The following LRRTM4 variants were observed in gnomAD, a reference collection of about 807,000 sequenced individuals.
LRRTM4 encodes the protein leucine rich repeat transmembrane neuronal 4.
A neutral mutation model predicts 47.6 loss-of-function variants in LRRTM4; 25 were observed. The observed-to-expected ratio is 0.53, with a 90% CI of 0.38 to 0.73. The LOEUF (loss-of-function observed/expected upper bound fraction) is 0.73, where lower values mean the gene tolerates loss of function less well. Ranked by LOEUF, LRRTM4 falls within the 30% of genes least tolerant of loss-of-function variation. The pLI, the probability that LRRTM4 is intolerant of heterozygous loss-of-function variation, is 0.00. For synonymous variants in LRRTM4, 311 were observed against 269.5 expected (o/e 1.15, Z -1.51); for missense variants, 638 against 713.4 (o/e 0.89, Z 1.20).
At chr2:76,814,930 A>G (rs1670856496) in intron 3 of LRRTM4, among the ~76,000 whole-genome samples, 1 of 152,130 alleles carries the variant, frequency 6.6e-6, no homozygotes. Flanking sequence ...ATAAAAGAAT[A>G]TATGCATTTG....
At chr2:76,984,485 A>C (rs6547108) in intron 3 of LRRTM4, among the ~76,000 whole-genome samples, 1 of 151,702 alleles carries the variant, frequency 6.6e-6, no homozygotes. Context: ...ATATGTATGC[A>C]TGGCCATGTA....
At chr2:77,137,952 C>A (rs1191798991) in intron 3 of LRRTM4, among the ~76,000 whole-genome samples, 2 of 152,228 alleles carry the variant, frequency 1.3e-5, no homozygotes, top group African/African-American at 4.8e-5. Flanking sequence ...GCACCCAATA[C>A]AGGAGCACCC....
At chr2:77,056,297 G>C (rs535856340) in intron 3 of LRRTM4, among the ~76,000 whole-genome samples, 1 of 152,188 alleles carries the variant, frequency 6.6e-6, no homozygotes, top group African/African-American at 2.4e-5. Flanking sequence ...AAATAAACTT[G>C]CTTCAAGAAT....
chr2:77,402,435 C>T (rs1322546788), intron 3 of LRRTM4, among the ~76,000 whole-genome samples: 1 of 151,922 alleles, frequency 6.6e-6, no homozygotes, highest in Non-Finnish European at 1.5e-5. Context: ...AGTTATTAGC[C>T]ACTGCTCCTG....
At chr2:77,183,787 A>C (rs867099635) in intron 3 of LRRTM4, among the ~76,000 whole-genome samples, 2 of 152,316 alleles carry the variant, frequency 1.3e-5, no homozygotes, top group Middle Eastern at 3.4e-3. Flanking sequence ...TTGTAGGGAC[A>C]TGGATGAAGC....
chr2:77,149,000 A>G (rs1157573113), intron 3 of LRRTM4, among the ~76,000 whole-genome samples: 10 of 152,308 alleles, frequency 6.6e-5, no homozygotes, highest in African/African-American at 2.2e-4. Flanking sequence ...CTTAATCTGC[A>G]GTCCAAAAAC....
chr2:77,140,352 C>T (rs1316961472), intron 3 of LRRTM4, among the ~76,000 whole-genome samples: 10 of 152,090 alleles, frequency 6.6e-5, no homozygotes, highest in African/African-American at 1.9e-4. Context: ...TTTGACAAAC[C>T]TGATAAAAAC....
At chr2:77,293,875 T>C (rs1169689213) in intron 3 of LRRTM4, among the ~76,000 whole-genome samples, 1 of 152,134 alleles carries the variant, frequency 6.6e-6, no homozygotes, top group African/African-American at 2.4e-5. Context: ...TATCAGCCTA[T>C]GGTCCCTGAA....
intron 3 of LRRTM4, among the ~76,000 whole-genome samples, chr2:77,412,459 T>C (rs918938264): frequency 6.6e-6 from 1 of 152,194 alleles, no homozygotes; most frequent in Non-Finnish European, 1.5e-5. Context: ...CTACCAGTGT[T>C]TAATCTTGGG....
intron 3 of LRRTM4, among the ~76,000 whole-genome samples, chr2:76,899,301 G>A (rs1673535445): frequency 7.0e-6 from 1 of 143,488 alleles, no homozygotes; most frequent in East Asian, 2.1e-4. Flanking sequence ...GGGAGAGAAA[G>A]ACTAATAAAC....
At chr2:77,193,384 T>C (rs1229641327) in intron 3 of LRRTM4, among the ~76,000 whole-genome samples, 1 of 152,200 alleles carries the variant, frequency 6.6e-6, no homozygotes, top group East Asian at 1.9e-4. Context: ...TTAAATTTTA[T>C]TGTTGAAAAA....
chr2:76,944,162 T>C (rs1435395630), intron 3 of LRRTM4, among the ~76,000 whole-genome samples: 5 of 152,122 alleles, frequency 3.3e-5, no homozygotes, highest in Admixed American at 1.3e-4. Context: ...CGAGTCACAC[T>C]AGCTTTCACT....
rs568313015 is a variant in LRRTM4, at chr2:76,834,094, G to A, written c.1552-85178C>T. On this transcript the variant is annotated intron_variant, in intron 3 of 3. Transcript: ENST00000409884. ...CTTGCACTGTGGCCCTGGCTGGAGT[G>A]CAGTGGCACCATCTTGGCTCACTGC... 2.0e-5 allele frequency among the ~76,000 whole-genome samples: 3 copies of A among 151,534 alleles called. No individual in the cohort carries two copies. In the East Asian group the frequency reaches 5.8e-4, roughly 29 times the overall value.
intron 3 of LRRTM4, among the ~76,000 whole-genome samples, chr2:76,826,201 GATC>G (rs1234588016): frequency 1.3e-5 from 2 of 151,630 alleles, no homozygotes; most frequent in African/African-American, 4.8e-5. Flanking sequence ...GAATATATCA[GATC>G]ATTATCAAAT....
At chr2:77,068,408 C>G (rs1473764382) in intron 3 of LRRTM4, among the ~76,000 whole-genome samples, 1 of 152,076 alleles carries the variant, frequency 6.6e-6, no homozygotes, top group Non-Finnish European at 1.5e-5. Flanking sequence ...TAATTTTGGA[C>G]CATTTCCTAC....
chr2:77,226,592 C>T (rs1396666461), intron 3 of LRRTM4, among the ~76,000 whole-genome samples: 2 of 149,710 alleles, frequency 1.3e-5, no homozygotes, highest in African/African-American at 4.9e-5. Flanking sequence ...AATTATTGCA[C>T]TTAATCATTT....
At chr2:77,307,633 AAT>A in intron 3 of LRRTM4, among the ~76,000 whole-genome samples, 1 of 67,240 alleles carries the variant, frequency 1.5e-5, no homozygotes, top group Non-Finnish European at 2.3e-5. Context: ...TAGAAATATA[AAT>A]ATATAGATAT....
At chr2:77,120,351 G>A (rs1047254912) in intron 3 of LRRTM4, among the ~76,000 whole-genome samples, 5 of 151,584 alleles carry the variant, frequency 3.3e-5, no homozygotes, top group Admixed American at 1.3e-4. Context: ...GATTGCTAAC[G>A]GGAGACATAC....
intron 3 of LRRTM4, among the ~76,000 whole-genome samples, chr2:76,936,209 C>G (rs777899178): frequency 9.2e-5 from 14 of 152,166 alleles, no homozygotes; most frequent in Non-Finnish European, 1.6e-4. Flanking sequence ...CAATGATAGA[C>G]TGGATAAAGA....
Sources: gnomAD v4.1 joint callset for allele counts (sites outside exome capture counted in the v4.1 genomes callset) on GRCh38, gnomAD v4.1.1 for gene constraint, MANE v1.5 for transcripts, NCBI Gene and HGNC (gene_info 2026-07-23, HGNC 2026-07-21) for gene names.